Variants in ABCA13 observed in about 807,000 individuals in gnomAD.
ABCA13 encodes the protein ATP-binding cassette sub-family A member 13.
Under a neutral mutation model 478.7 loss-of-function variants are expected in ABCA13, and 476 were observed. The observed-to-expected ratio is 0.99, with a 90% CI of 0.92 to 1.07. The LOEUF (loss-of-function observed/expected upper bound fraction) is 1.07. Ranked by LOEUF, ABCA13 falls within the 50% of genes least tolerant of loss-of-function variation. The pLI is 0.00. For synonymous variants in ABCA13, 2,252 were observed against 2,158.9 expected, an observed-to-expected ratio of 1.04 and a Z score of -1.20; for missense variants, 6,060 against 5,910.6, an observed-to-expected ratio of 1.03 and a Z score of -0.83.
chr7:48,563,507 C>T (rs1361601573), intron 55 of ABCA13, among the ~76,000 whole-genome samples: 1 of 152,072 alleles, frequency 6.6e-6, no homozygotes, highest in Non-Finnish European at 1.5e-5. Flanking sequence ...GTCACCTGGG[C>T]TAGAAATGCC....
chr7:48,225,025 A>T (rs1225408779), intron 5 of ABCA13, among the ~76,000 whole-genome samples: 1 of 152,092 alleles, frequency 6.6e-6, no homozygotes, highest in South Asian at 2.1e-4. Flanking sequence ...TCTGTCGTTG[A>T]GCTTCAAACT....
intron 55 of ABCA13, among the ~76,000 whole-genome samples, chr7:48,563,821 TG>T (rs1786723766): frequency 2.0e-4 from 31 of 151,508 alleles, no homozygotes; most frequent in Admixed American, 4.6e-4. Flanking sequence ...TGTGTGTGTG[TG>T]TGTGTGTGTG....
chr7:48,310,186 G>A, intron 24 of ABCA13, 45 bp downstream of exon 24: 1 of 1,557,406 alleles, frequency 6.4e-7, no homozygotes. Flanking sequence ...GCAGGACTCT[G>A]CTGTGGTGGC....
intron 28 of ABCA13, 128 bp downstream of exon 28, chr7:48,335,663 A>G (rs1442931004): frequency 1.8e-6 from 1 of 564,298 alleles, no homozygotes; most frequent in Non-Finnish European, 2.9e-6. Flanking sequence ...TGACTCATAT[A>G]ATTGACATAA....
chr7:48,427,527 G>A (rs969975860), intron 41 of ABCA13, among the ~76,000 whole-genome samples: 2 of 152,184 alleles, frequency 1.3e-5, no homozygotes, highest in Non-Finnish European at 2.9e-5. Context: ...CCACTAGCCC[G>A]TGAGGGTCTG....
intron 5 of ABCA13, among the ~76,000 whole-genome samples, chr7:48,223,245 A>G (rs1435902363): frequency 6.6e-6 from 1 of 152,138 alleles, no homozygotes; most frequent in Non-Finnish European, 1.5e-5. Flanking sequence ...TCAGTGAGAT[A>G]TCCAAGTGGC....
At chr7:48,595,998 C>T (rs573371116) in intron 58 of ABCA13, among the ~76,000 whole-genome samples, 7 of 152,284 alleles carry the variant, frequency 4.6e-5, no homozygotes, top group Middle Eastern at 3.4e-3. Flanking sequence ...TCATTTGAAA[C>T]GTGAGATTTC....
At chr7:48,340,522 C>T (rs1806987293) in intron 29 of ABCA13, among the ~76,000 whole-genome samples, 1 of 152,184 alleles carries the variant, frequency 6.6e-6, no homozygotes, top group Non-Finnish European at 1.5e-5. Flanking sequence ...ATAATCTTAT[C>T]ACCACAGATA....
intron 47 of ABCA13, among the ~76,000 whole-genome samples, chr7:48,488,771 C>T (rs1829574034): frequency 6.6e-6 from 1 of 152,072 alleles, no homozygotes; most frequent in Non-Finnish European, 1.5e-5. Context: ...GACAGGCATG[C>T]TACTTTATTC....
At chr7:48,490,300 C>A (rs1298550523) in intron 48 of ABCA13, among the ~76,000 whole-genome samples, 1 of 152,204 alleles carries the variant, frequency 6.6e-6, no homozygotes, top group Non-Finnish European at 1.5e-5. Flanking sequence ...GTATCAAGAA[C>A]TTCATTAGAT....
intron 1 of ABCA13, among the ~76,000 whole-genome samples, chr7:48,174,088 C>T (rs1410150165): frequency 5.3e-5 from 8 of 152,198 alleles, no homozygotes; most frequent in Non-Finnish European, 1.0e-4. Flanking sequence ...TTAAACTGAC[C>T]TATTTTTCAC....
chr7:48,203,414 C>G (rs1277631020), intron 3 of ABCA13, among the ~76,000 whole-genome samples: 1 of 152,202 alleles, frequency 6.6e-6, no homozygotes, highest in Non-Finnish European at 1.5e-5. Flanking sequence ...AAGTAGGAGC[C>G]CAGGCAGAGG....
At chr7:48,553,319 G>T (rs940013033) in intron 55 of ABCA13, among the ~76,000 whole-genome samples, 3 of 151,964 alleles carry the variant, frequency 2.0e-5, no homozygotes, top group Non-Finnish European at 4.4e-5. Context: ...TTTCTTTTGG[G>T]TATATACCTA....
chr7:48,232,677 C>T (rs1789330527), intron 7 of ABCA13, among the ~76,000 whole-genome samples: 1 of 152,166 alleles, frequency 6.6e-6, no homozygotes, highest in Non-Finnish European at 1.5e-5. Flanking sequence ...TGTTTAGCAA[C>T]AAATTTCTGA....
At chr7:48,639,419 T>G (rs1794936382) in intron 59 of ABCA13, among the ~76,000 whole-genome samples, 1 of 152,068 alleles carries the variant, frequency 6.6e-6, no homozygotes, top group African/African-American at 2.4e-5. Flanking sequence ...GGCAGGAAGA[T>G]GAGAATTAGG....
intron 41 of ABCA13, among the ~76,000 whole-genome samples, chr7:48,427,332 G>A (rs1821568099): frequency 6.6e-6 from 1 of 152,164 alleles, no homozygotes; most frequent in Non-Finnish European, 1.5e-5. Context: ...TACATTTAAT[G>A]GGGATTTTTA....
At position 48,565,279 on chromosome 7, in the gene ABCA13, A is replaced by G. The variant is rs115064266; in HGVS notation, c.14355-14945A>G. ...CTTCATGGGCAAGAACAAAAAAAAA[A>G]AATCTCAGGAGTATGAAAATATAAT... is the stretch of plus-strand genomic sequence containing the variant. On this transcript the variant is annotated intron_variant, in intron 55 of 61. Coordinates refer to ENST00000435803, the MANE Select transcript of ABCA13 (RefSeq NM_152701.5). 6.8e-3 allele frequency among the ~76,000 whole-genome samples: 1,033 copies of G among 151,734 alleles called. 9 individuals are homozygous for G. The highest frequency in any genetic ancestry group is 0.024 in the African/African-American group (977 of 41,264).
rs968801238 is a variant in ABCA13 at position 48,511,337 on chromosome 7, G to C, written c.13640+138G>C. The C allele has an allele frequency of 1.1e-5, 8 of 717,298 alleles. No homozygotes were observed. In the East Asian group the frequency reaches 2.2e-4, roughly 20 times the overall value. 44.4% of individuals were successfully genotyped at this position (717,298 alleles called of 1,614,324 possible). On this transcript the variant is annotated intron_variant, in intron 51 of 61. Transcript: ENST00000435803. Reference sequence around the variant, plus strand: ...ATTATGTTGCTTCTGCAAGGGACACGGAGCAAACAAGCCTGAGCAGGATGA... The same window carrying C: ...ATTATGTTGCTTCTGCAAGGGACACCGAGCAAACAAGCCTGAGCAGGATGA...
At chr7:48,633,650 A>G (rs1015654495) in intron 59 of ABCA13, among the ~76,000 whole-genome samples, 3 of 151,038 alleles carry the variant, frequency 2.0e-5, no homozygotes, top group African/African-American at 7.3e-5. Context: ...GCCAAGGTGG[A>G]TGGATCTCTT....
Sources: allele counts gnomAD v4.1 joint callset (sites outside exome capture counted in the v4.1 genomes callset), GRCh38; gene constraint gnomAD v4.1.1; transcripts MANE v1.5; gene names NCBI Gene and HGNC (gene_info 2026-07-23, HGNC 2026-07-21).